Variants in CACNB2 observed in about 807,000 individuals in gnomAD.
CACNB2 encodes calcium voltage-gated channel auxiliary subunit beta 2.
CACNB2 carries 42 observed loss-of-function variants against 73.3 expected under a neutral mutation model. That is an observed-to-expected ratio of 0.57 (90% CI 0.45 to 0.74). The LOEUF (loss-of-function observed/expected upper bound fraction) is 0.74, where lower values mean the gene tolerates loss of function less well. CACNB2 is among the 30% of genes least tolerant of loss of function. The pLI, the probability that CACNB2 is intolerant of heterozygous loss-of-function variation, is 0.00. For synonymous variants in CACNB2, 348 were observed against 310.3 expected (o/e 1.12, Z -1.28); for missense variants, 940 against 853.0 (o/e 1.10, Z -1.27).
chr10:18,485,688 A>G (rs1046817795), intron 3 of CACNB2, among the ~76,000 whole-genome samples: 9 of 151,468 alleles, frequency 5.9e-5, no homozygotes, highest in African/African-American at 9.7e-5. Context: ...GAGCCTCCCA[A>G]GTAGCTGGGA....
chr10:18,340,386 C>T (rs1248486398), intron 2 of CACNB2, among the ~76,000 whole-genome samples: 1 of 152,068 alleles, frequency 6.6e-6, no homozygotes. Flanking sequence ...TTCTTGTGTG[C>T]AAAAGAGAAA....
intron 2 of CACNB2, among the ~76,000 whole-genome samples, chr10:18,331,817 CTTCAAGG>C (rs2040818668): frequency 6.6e-6 from 1 of 152,154 alleles, no homozygotes; most frequent in Admixed American, 6.6e-5. Flanking sequence ...ACTGAATGAA[CTTCAAGG>C]TTTCCCTGGA....
intron 2 of CACNB2, among the ~76,000 whole-genome samples, chr10:18,380,416 T>C (rs1440099587): frequency 6.6e-6 from 1 of 151,136 alleles, no homozygotes; most frequent in Non-Finnish European, 1.5e-5. Context: ...CTTTCTAAAG[T>C]AAATGAGAAA....
chr10:18,357,380 T>G (rs1488090091), intron 2 of CACNB2, among the ~76,000 whole-genome samples: 2 of 152,158 alleles, frequency 1.3e-5, no homozygotes, highest in African/African-American at 2.4e-5. Flanking sequence ...AATAAAAAGA[T>G]TAATTTATTC....
intron 3 of CACNB2, among the ~76,000 whole-genome samples, chr10:18,463,721 G>T (rs1174975024): frequency 6.6e-6 from 1 of 151,808 alleles, no homozygotes; most frequent in Non-Finnish European, 1.5e-5. Context: ...GGGAGCCACC[G>T]TGCCTGGCCC....
intron 2 of CACNB2, among the ~76,000 whole-genome samples, chr10:18,214,436 G>T (rs1380771759): frequency 1.4e-5 from 1 of 73,078 alleles, no homozygotes; most frequent in Non-Finnish European, 4.2e-5. Flanking sequence ...GACCAGCCTG[G>T]CCAACATGGT....
Position 18,293,108 on chromosome 10 carries a change from A to G in CACNB2, c.214-108816A>G, listed in dbSNP as rs150733767. ...GGTTATTGTGGCTTTTTTCTGTTATAGACAGTTATTCTTTAAGAGTACTTA... is the reference window on the plus strand; with the variant it reads ...GGTTATTGTGGCTTTTTTCTGTTATGGACAGTTATTCTTTAAGAGTACTTA... On this transcript the variant is annotated intron_variant, in intron 2 of 13. Transcript: ENST00000324631. Among the ~76,000 whole-genome samples the G allele has an allele frequency of 3.6e-3, 551 of 152,334 alleles. 3 individuals carry two copies. The highest frequency in any genetic ancestry group is 0.013 in the African/African-American group (524 of 41,576).
intron 3 of CACNB2, among the ~76,000 whole-genome samples, chr10:18,438,195 T>TTC (rs949120769): frequency 7.5e-5 from 11 of 145,980 alleles, no homozygotes; most frequent in Non-Finnish European, 1.5e-4. Context: ...TTTTTTTTTT[T>TTC]TTTTTTTGTA....
chr10:18,478,189 C>T (rs2048536777), intron 3 of CACNB2, among the ~76,000 whole-genome samples: 1 of 152,200 alleles, frequency 6.6e-6, no homozygotes, highest in South Asian at 2.1e-4. Flanking sequence ...ACCTCAGCCT[C>T]CGAAGGTGCT....
intron 2 of CACNB2, among the ~76,000 whole-genome samples, chr10:18,186,498 C>G (rs566184920): frequency 2.0e-5 from 3 of 152,120 alleles, no homozygotes; most frequent in Non-Finnish European, 4.4e-5. Flanking sequence ...CACAGTTCCA[C>G]AGGCTGTACA....
At chr10:18,504,043 T>C (rs2050353833) in intron 5 of CACNB2, among the ~76,000 whole-genome samples, 1 of 152,208 alleles carries the variant, frequency 6.6e-6, no homozygotes, top group African/African-American at 2.4e-5. Flanking sequence ...TGCCTCTTCA[T>C]ATAGAAACTG....
intron 2 of CACNB2, among the ~76,000 whole-genome samples, chr10:18,378,563 A>G (rs1026839709): frequency 1.6e-4 from 24 of 152,140 alleles, no homozygotes; most frequent in African/African-American, 5.6e-4. Flanking sequence ...AGCCTGAACA[A>G]CATAGTGAGA....
Position 18,417,170 on chromosome 10 carries a change from C to A in CACNB2, c.333+15127C>A, listed in dbSNP as rs61839259. Reference sequence around the variant, plus strand: ...AAATAAAGCAGGGCAGCTATTAAGACGATTTTAAAAGTATAAACATCTTCG... The same window carrying A: ...AAATAAAGCAGGGCAGCTATTAAGAAGATTTTAAAAGTATAAACATCTTCG... On this transcript the variant is annotated intron_variant, in intron 3 of 13. Transcript: ENST00000324631. 2.8e-3 allele frequency among the ~76,000 whole-genome samples: 397 copies of A among 141,414 alleles called. 4 individuals carry two copies. Among genetic ancestry groups the A allele is most frequent in the South Asian group, 0.02 (87 of 4,248 alleles). The allele number at this position is 141,414 out of a possible 152,430, so 92.8% of individuals were successfully genotyped here.
intron 3 of CACNB2, among the ~76,000 whole-genome samples, chr10:18,446,486 C>G (rs926543692): frequency 5.9e-5 from 9 of 152,098 alleles, no homozygotes; most frequent in African/African-American, 1.9e-4. Flanking sequence ...GAAACAAGAT[C>G]TCTGCAAGGA....
chr10:18,202,439 A>T (rs1274022428), intron 2 of CACNB2, among the ~76,000 whole-genome samples: 4 of 152,310 alleles, frequency 2.6e-5, no homozygotes, highest in Non-Finnish European at 4.4e-5. Flanking sequence ...TAGGGACCAA[A>T]CCATGGGATT....
intron 2 of CACNB2, among the ~76,000 whole-genome samples, chr10:18,349,619 C>G (rs546672861): frequency 5.1e-4 from 78 of 151,572 alleles, no homozygotes; most frequent in Non-Finnish European, 9.1e-4. Flanking sequence ...ATATAAGGGA[C>G]CTAGAATAGA....
intron 2 of CACNB2, among the ~76,000 whole-genome samples, chr10:18,252,237 C>T (rs1389498687): frequency 2.0e-5 from 3 of 152,188 alleles, no homozygotes; most frequent in Non-Finnish European, 4.4e-5. Flanking sequence ...TTTTCAGAAC[C>T]CACTGGGGCA....
At chr10:18,379,948 A>G (rs890431586) in intron 2 of CACNB2, among the ~76,000 whole-genome samples, 5 of 152,294 alleles carry the variant, frequency 3.3e-5, no homozygotes, top group African/African-American at 7.2e-5. Context: ...TGGTCTCCCA[A>G]GGTGCTGGGA....
At chr10:18,338,135 T>C (rs1349965985) in intron 2 of CACNB2, among the ~76,000 whole-genome samples, 1 of 152,182 alleles carries the variant, frequency 6.6e-6, no homozygotes, top group African/African-American at 2.4e-5. Flanking sequence ...AGGCAGCCTG[T>C]GGGTTGGGAA....
Sources: gnomAD v4.1 joint callset for allele counts (sites outside exome capture counted in the v4.1 genomes callset) on GRCh38, gnomAD v4.1.1 for gene constraint, MANE v1.5 for transcripts, NCBI Gene and HGNC (gene_info 2026-07-23, HGNC 2026-07-21) for gene names.